Variants in RIMS1 observed in about 807,000 individuals in gnomAD.
RIMS1 encodes regulating synaptic membrane exocytosis 1.
Under a neutral mutation model 214.1 loss-of-function variants are expected in RIMS1, and 83 were observed. The ratio of observed to expected loss-of-function variants is 0.39; its 90% CI spans 0.32 to 0.47. The LOEUF (loss-of-function observed/expected upper bound fraction) is 0.47, where lower values mean the gene tolerates loss of function less well. Among genes scored for constraint, RIMS1 ranks in the 20% least tolerant of loss-of-function variants. The pLI is 0.99. For synonymous variants in RIMS1, 793 were observed against 786.8 expected (o/e 1.01, Z -0.13); for missense variants, 2,050 against 2,161.8 (o/e 0.95, Z 1.03).
intron 4 of RIMS1, among the ~76,000 whole-genome samples, chr6:72,129,464 T>G (rs1011147563): frequency 6.6e-6 from 1 of 152,192 alleles, no homozygotes; most frequent in Non-Finnish European, 1.5e-5. Flanking sequence ...TAGATTTTTT[T>G]GCTTACTTGT....
intron 29 of RIMS1, among the ~76,000 whole-genome samples, chr6:72,337,161 G>C (rs966432105): frequency 2.6e-5 from 4 of 151,768 alleles, no homozygotes; most frequent in African/African-American, 9.7e-5. Flanking sequence ...TTTTGGAATT[G>C]AATGAACCTC....
chr6:72,346,092 A>T (rs188747688), intron 29 of RIMS1, among the ~76,000 whole-genome samples: 27 of 151,896 alleles, frequency 1.8e-4, no homozygotes, highest in Admixed American at 1.6e-3. Context: ...CGCAACTATA[A>T]TATGGAACCA....
intron 11 of RIMS1, 43 bp from the exon 12 acceptor site, chr6:72,247,972 T>C: frequency 7.9e-7 from 1 of 1,266,252 alleles, no homozygotes; most frequent in South Asian, 1.2e-5. Context: ...TAAAAATATT[T>C]CCTACACTTA....
intron 19 of RIMS1, among the ~76,000 whole-genome samples, chr6:72,264,267 G>A (rs2079388906): frequency 6.6e-6 from 1 of 152,064 alleles, no homozygotes; most frequent in Non-Finnish European, 1.5e-5. Flanking sequence ...GTCCTTCATG[G>A]CATAGACAGT....
intron 33 of RIMS1, among the ~76,000 whole-genome samples, 171 bp downstream of exon 33, chr6:72,399,265 C>A (rs950507581): frequency 2.0e-5 from 3 of 151,574 alleles, no homozygotes; most frequent in Non-Finnish European, 4.4e-5. Context: ...TATATAATAT[C>A]AAAAATATTT....
At chr6:72,110,438 C>G (rs950063753) in intron 4 of RIMS1, among the ~76,000 whole-genome samples, 4 of 150,438 alleles carry the variant, frequency 2.7e-5, no homozygotes, top group African/African-American at 9.8e-5. Context: ...AGTTGGATTC[C>G]TAGGTATTTT....
intron 2 of RIMS1, among the ~76,000 whole-genome samples, chr6:72,009,272 C>A (rs1253627581): frequency 6.6e-6 from 1 of 152,056 alleles, no homozygotes; most frequent in African/African-American, 2.4e-5. Context: ...TTCTTTGAAA[C>A]CAACAAGAAC....
chr6:71,917,255 G>A (rs1035187462), intron 1 of RIMS1, among the ~76,000 whole-genome samples: 1 of 152,064 alleles, frequency 6.6e-6, no homozygotes, highest in Non-Finnish European at 1.5e-5. Flanking sequence ...CATTATATGA[G>A]GTAAGTGTAT....
At chr6:72,374,337 A>T (rs144826919) in intron 29 of RIMS1, among the ~76,000 whole-genome samples, 1 of 152,204 alleles carries the variant, frequency 6.6e-6, no homozygotes, top group Non-Finnish European at 1.5e-5. Flanking sequence ...TTTAGTACCT[A>T]TTCTAACCAC....
At chr6:72,170,864 T>C (rs915622742) in intron 4 of RIMS1, among the ~76,000 whole-genome samples, 7 of 152,200 alleles carry the variant, frequency 4.6e-5, no homozygotes, top group African/African-American at 1.7e-4. Context: ...ACATCAGCAA[T>C]AAATGTTGTA....
At chr6:72,060,604 A>G (rs1434759670) in intron 2 of RIMS1, among the ~76,000 whole-genome samples, 1 of 152,014 alleles carries the variant, frequency 6.6e-6, no homozygotes, top group Non-Finnish European at 1.5e-5. Context: ...TTTCTTATGC[A>G]TTTTCTTCTC....
intron 23 of RIMS1, among the ~76,000 whole-genome samples, chr6:72,277,993 G>A (rs933051134): frequency 2.0e-5 from 3 of 152,042 alleles, no homozygotes; most frequent in Non-Finnish European, 4.4e-5. Flanking sequence ...GCTAGTGTAA[G>A]TTATTATTAA....
chr6:72,198,798 A>G (rs1182332960), intron 6 of RIMS1, among the ~76,000 whole-genome samples: 1 of 151,976 alleles, frequency 6.6e-6, no homozygotes, highest in Non-Finnish European at 1.5e-5. Flanking sequence ...TTATGTGTTA[A>G]TAAAAATATA....
chr6:72,378,085 A>G (rs2098421854), intron 29 of RIMS1, among the ~76,000 whole-genome samples: 1 of 152,182 alleles, frequency 6.6e-6, no homozygotes, highest in Non-Finnish European at 1.5e-5. Context: ...AAACTGCCCA[A>G]TTATCCCTTA....
chr6:72,258,151 A>G lies in RIMS1; in HGVS notation c.2797A>G (p.Ser933Gly), dbSNP rs761516244. The G allele has an allele frequency of 1.7e-5, 28 of 1,612,944 alleles. No individual in the cohort carries two copies. In the African/African-American group the frequency reaches 2.4e-4, roughly 14 times the overall value. The change falls in exon 17 of 34, where the codon AGT (serine) becomes GGT (glycine). Residue 933 changes from serine (S) to glycine (G), a missense_variant. Physicochemically the swap from Ser to Gly is moderately conservative, Grantham distance 56 (BLOSUM62 0). This residue lies in a region of RIMS1 where 889 missense variants were observed against 885.5 expected (regional missense o/e 1.00). Transcript: ENST00000521978. ...PVGYRSSARE[S>G]KSTTLTVPEQ... Reference sequence around the variant, plus strand: ...AGGCTATAGGTCTAGTGCTAGAGAAAGTAAATCTACAACATTAACTGTGCC... The same window carrying G: ...AGGCTATAGGTCTAGTGCTAGAGAAGGTAAATCTACAACATTAACTGTGCC...
intron 2 of RIMS1, among the ~76,000 whole-genome samples, chr6:72,054,505 G>A (rs1249803714): frequency 6.6e-6 from 1 of 152,118 alleles, no homozygotes; most frequent in East Asian, 1.9e-4. Flanking sequence ...TCACAACACT[G>A]TCTTCCACAA....
chr6:72,036,822 A>G (rs1465379901), intron 2 of RIMS1, among the ~76,000 whole-genome samples: 1 of 152,188 alleles, frequency 6.6e-6, no homozygotes, highest in South Asian at 2.1e-4. Flanking sequence ...GTTGTCACGC[A>G]TGTAGAGTTG....
rs71540338 is a variant in RIMS1, at chr6:72,361,969, C to CTGTATTGTATTGTAT, written c.4366+28174_4366+28188dup. ...CATGAACATCTTTGGAGGACCATTACTGTATTGTATTGTATTGTATTGTAT... is the reference window on the plus strand; with the variant it reads ...CATGAACATCTTTGGAGGACCATTACTGTATTGTATTGTATTGTATTGTATTGTATTGTATTGTAT... On this transcript the variant is annotated intron_variant, in intron 29 of 33. Transcript: ENST00000521978. 9.4e-3 allele frequency among the ~76,000 whole-genome samples: 1,380 copies of CTGTATTGTATTGTAT among 146,822 alleles called. 17 individuals carry two copies. The highest frequency in any genetic ancestry group is 0.014 in the African/African-American group (551 of 39,620).
intron 6 of RIMS1, among the ~76,000 whole-genome samples, chr6:72,203,496 C>T (rs767095848): frequency 9.7e-4 from 147 of 152,116 alleles, no homozygotes; most frequent in Non-Finnish European, 1.8e-3. Context: ...AGCTTATAGA[C>T]CTGTAGAGAG....
Sources: allele counts gnomAD v4.1 joint callset (sites outside exome capture counted in the v4.1 genomes callset), GRCh38; gene constraint gnomAD v4.1.1; regional missense constraint gnomAD v4.1.1; transcripts MANE v1.5; gene names NCBI Gene and HGNC (gene_info 2026-07-23, HGNC 2026-07-21).